ADAMTSL3: variants seen among roughly 807,000 people sequenced by gnomAD.
ADAMTSL3 encodes the protein ADAMTS like 3, also known as ADAMTS-like protein 3.
A neutral mutation model predicts 201.7 loss-of-function variants in ADAMTSL3; 128 were observed. That is an observed-to-expected ratio of 0.63 (90% CI 0.55 to 0.73). The LOEUF (loss-of-function observed/expected upper bound fraction) is 0.73, where lower values mean the gene tolerates loss of function less well. ADAMTSL3 is among the 30% of genes least tolerant of loss of function. The pLI, the probability that ADAMTSL3 is intolerant of heterozygous loss-of-function variation, is 0.00. For missense variants in ADAMTSL3, 1,990 were observed against 2,119.6 expected (o/e 0.94, Z 1.20); for synonymous variants, 738 against 748.4 (o/e 0.99, Z 0.23).
intron 6 of ADAMTSL3, 42 bp downstream of exon 6, chr15:83,820,089 C>T: frequency 6.7e-7 from 1 of 1,485,020 alleles, no homozygotes; most frequent in Non-Finnish European, 9.4e-7. Context: ...TGGGGATGTG[C>T]CACGCCTACT....
intron 9 of ADAMTSL3, among the ~76,000 whole-genome samples, chr15:83,884,338 CTTTTTTTT>C (rs35308485): frequency 1.3e-4 from 15 of 114,486 alleles, no homozygotes; most frequent in Non-Finnish European, 2.4e-4. Flanking sequence ...GCCCTATTTC[CTTTTTTTT>C]TTTTTTTTTT....
At chr15:84,034,241 C>A (rs1192428621) in intron 28 of ADAMTSL3, among the ~76,000 whole-genome samples, 1 of 152,088 alleles carries the variant, frequency 6.6e-6, no homozygotes, top group Admixed American at 6.5e-5. Flanking sequence ...ACCATGGGCT[C>A]TCTGTAGGTA....
chr15:83,782,522 T>C (rs905329793), intron 4 of ADAMTSL3, among the ~76,000 whole-genome samples: 1 of 152,098 alleles, frequency 6.6e-6, no homozygotes, highest in Non-Finnish European at 1.5e-5. Context: ...GTGGTACATA[T>C]GCCCTGGAAT....
At chr15:83,957,671 TAGAA>T (rs1172839706) in intron 19 of ADAMTSL3, among the ~76,000 whole-genome samples, 7 of 152,252 alleles carry the variant, frequency 4.6e-5, no homozygotes, top group East Asian at 3.9e-4. Context: ...TAAAATTAAT[TAGAA>T]AGAAGAAGCA....
chr15:83,772,706 C>CTTT (rs796676516), intron 3 of ADAMTSL3, among the ~76,000 whole-genome samples: 12 of 142,390 alleles, frequency 8.4e-5, no homozygotes, highest in Non-Finnish European at 1.1e-4. Context: ...ATGAGCACTT[C>CTTT]TTTTTTTTTT....
At chr15:83,675,839 A>G (rs2061397026) in intron 2 of ADAMTSL3, among the ~76,000 whole-genome samples, 1 of 152,004 alleles carries the variant, frequency 6.6e-6, no homozygotes, top group Non-Finnish European at 1.5e-5. Context: ...TTGTTTTTCA[A>G]GGAATGGGTC....
At chr15:84,014,090 A>G (rs1238220003) in intron 23 of ADAMTSL3, among the ~76,000 whole-genome samples, 5 of 152,192 alleles carry the variant, frequency 3.3e-5, no homozygotes. Flanking sequence ...TTGCTTATGC[A>G]CAGCAAACAA....
At chr15:83,810,714 T>C (rs2063680333) in intron 5 of ADAMTSL3, among the ~76,000 whole-genome samples, 2 of 152,168 alleles carry the variant, frequency 1.3e-5, no homozygotes, top group African/African-American at 2.4e-5. Context: ...CCAGCAATGC[T>C]GCATCTGTTT....
At chr15:83,813,100 G>A (rs537084585) in intron 5 of ADAMTSL3, among the ~76,000 whole-genome samples, 2 of 152,346 alleles carry the variant, frequency 1.3e-5, no homozygotes, top group South Asian at 4.1e-4. Flanking sequence ...CAACACGTGA[G>A]CACAAGAATT....
At chr15:83,811,151 T>A (rs1341208196) in intron 5 of ADAMTSL3, among the ~76,000 whole-genome samples, 3 of 152,222 alleles carry the variant, frequency 2.0e-5, no homozygotes. Context: ...TAGTTATATG[T>A]GCAAAGATCC....
intron 3 of ADAMTSL3, among the ~76,000 whole-genome samples, chr15:83,725,733 T>C (rs2062164212): frequency 6.6e-6 from 1 of 152,198 alleles, no homozygotes; most frequent in South Asian, 2.1e-4. Flanking sequence ...ATCTGGGTTC[T>C]CTATTCCTTT....
intron 3 of ADAMTSL3, among the ~76,000 whole-genome samples, chr15:83,715,607 C>T (rs1274896115): frequency 1.3e-5 from 2 of 152,182 alleles, no homozygotes; most frequent in African/African-American, 2.4e-5. Flanking sequence ...ACTATAGCTC[C>T]AGATTGTACT....
chr15:83,961,641 AG>A (rs1465988073), intron 19 of ADAMTSL3: 2 of 152,210 alleles, frequency 1.3e-5, no homozygotes, highest in Non-Finnish European at 2.9e-5. Flanking sequence ...GCATGACTCA[AG>A]GATTTCCTCT....
At chr15:83,714,794 TCTCTCTTTCTTTC>T (rs2061983560) in intron 3 of ADAMTSL3, among the ~76,000 whole-genome samples, 1 of 51,726 alleles carries the variant, frequency 1.9e-5, no homozygotes, top group East Asian at 3.4e-4. Flanking sequence ...TTTTTCTTTC[TCTCTCTTTCTTTC>T]TTCTTTCTTT....
At chr15:83,696,189 A>G (rs1567079224) in intron 2 of ADAMTSL3, among the ~76,000 whole-genome samples, 1 of 152,328 alleles carries the variant, frequency 6.6e-6, no homozygotes, top group South Asian at 2.1e-4. Context: ...TTTCACTTGT[A>G]GGAGTGATCC....
chr15:83,981,508 A>G (rs2067384346), intron 20 of ADAMTSL3, among the ~76,000 whole-genome samples: 1 of 152,224 alleles, frequency 6.6e-6, no homozygotes, highest in Non-Finnish European at 1.5e-5. Context: ...CTTCCCTCCC[A>G]TTGAAAGCAC....
In ADAMTSL3 at chr15:83,672,315, C is replaced by T. The variant is rs569152102; in HGVS notation, c.69+16485C>T. 2.0e-5 allele frequency among the ~76,000 whole-genome samples: 3 copies of T among 152,306 alleles called. No homozygotes were observed. In the South Asian group the frequency reaches 6.2e-4, roughly 32 times the overall value. On this transcript the variant is annotated intron_variant, in intron 2 of 29. Transcript: ENST00000286744. The stretch of plus-strand genomic sequence containing the variant: ...GTGTCAGTGAAGCAGGGGTGTAAAT[C>T]ATAAGCAAAGCTTGCTGGTGCTCCA...
At chr15:83,661,573 G>A (rs1402541857) in intron 2 of ADAMTSL3, among the ~76,000 whole-genome samples, 2 of 152,034 alleles carry the variant, frequency 1.3e-5, no homozygotes, top group African/African-American at 4.8e-5. Context: ...TCATGATTTG[G>A]CTCTCTGTTT....
intron 22 of ADAMTSL3, among the ~76,000 whole-genome samples, chr15:83,989,530 A>T (rs571357984): frequency 6.6e-6 from 1 of 152,238 alleles, no homozygotes; most frequent in Non-Finnish European, 1.5e-5. Flanking sequence ...ATAGATTGCA[A>T]TTACCTCCCA....
Sources: allele counts gnomAD v4.1 joint callset (sites outside exome capture counted in the v4.1 genomes callset), GRCh38; gene constraint gnomAD v4.1.1; transcripts MANE v1.5; gene names NCBI Gene and HGNC (gene_info 2026-07-23, HGNC 2026-07-21).